Variants in AGTPBP1 observed in about 807,000 individuals in gnomAD.
AGTPBP1 encodes ATP/GTP binding carboxypeptidase 1.
A neutral mutation model predicts 143.9 loss-of-function variants in AGTPBP1; 70 were observed. The observed-to-expected ratio is 0.49, with a 90% CI of 0.40 to 0.59. The LOEUF (loss-of-function observed/expected upper bound fraction) is 0.59. Among genes scored for constraint, AGTPBP1 ranks in the 20% least tolerant of loss-of-function variants. AGTPBP1 has a pLI of 0.00. For missense variants in AGTPBP1, 1,229 were observed against 1,464.5 expected (o/e 0.84, Z 2.62); for synonymous variants, 463 against 500.2 (o/e 0.93, Z 0.99).
chr9:85,697,445 GTTTTTTTTTT>G (rs758082233), intron 2 of AGTPBP1, among the ~76,000 whole-genome samples: 1 of 65,072 alleles, frequency 1.5e-5, no homozygotes, highest in African/African-American at 6.5e-5. Flanking sequence ...TTTGTTTTTT[GTTTTTTTTTT>G]TTTTTTTTTT....
At chr9:85,742,362 TC>T (rs1364780699), upstream of AGTPBP1, among the ~76,000 whole-genome samples, 11 of 97,726 alleles carry the variant, frequency 1.1e-4, no homozygotes, top group Admixed American at 6.9e-4. Context: ...GCCCACCCCC[TC>T]CCCCGCCATC....
In AGTPBP1 at chr9:85,712,481, TG is replaced by T; in HGVS notation, c.32+20del. The T allele has an allele frequency of 7.2e-7, 1 of 1,386,988 alleles. No homozygotes were observed. Among genetic ancestry groups the T allele is most frequent in the Non-Finnish European group, 9.9e-7 (1 of 1,014,132 alleles). The allele number at this position is 1,386,988 out of a possible 1,614,324, so 85.9% of individuals were successfully genotyped here. ...CATTATTTCTGTAACTTATGCATAC[TG>T]ATATTCAGAATTACAGTACCTTTTT... On this transcript the variant is annotated intron_variant, in intron 2 of 25. Transcript: ENST00000357081.
chr9:85,686,180 T>TA (rs1352085209), intron 3 of AGTPBP1, among the ~76,000 whole-genome samples: 5 of 151,842 alleles, frequency 3.3e-5, no homozygotes, highest in Admixed American at 2.0e-4. Flanking sequence ...TGTTTTTTTT[T>TA]AAAAAGATCC....
chr9:85,630,915 T>C (rs1294042455), intron 14 of AGTPBP1, among the ~76,000 whole-genome samples: 2 of 152,214 alleles, frequency 1.3e-5, no homozygotes, highest in Non-Finnish European at 2.9e-5. Flanking sequence ...CCAGGCCGGC[T>C]GTAACATGTC....
intron 2 of AGTPBP1, 22 bp from the exon 3 acceptor site, chr9:85,692,835 A>G (rs758016153): frequency 2.5e-6 from 4 of 1,608,604 alleles, no homozygotes; most frequent in South Asian, 1.1e-5. Flanking sequence ...GTAGAATGTT[A>G]GGGCACATTC....
intron 1 of AGTPBP1, among the ~76,000 whole-genome samples, chr9:85,713,742 T>A (rs1837529213): frequency 1.3e-5 from 2 of 152,220 alleles, no homozygotes; most frequent in Admixed American, 6.5e-5. Flanking sequence ...ACATACATAA[T>A]TTTTTTTCAT....
chr9:85,579,201 C>A, intron 23 of AGTPBP1, 105 bp from the exon 24 acceptor site: 1 of 1,133,380 alleles, frequency 8.8e-7, no homozygotes, highest in Non-Finnish European at 1.2e-6. Flanking sequence ...AGAGCAAAGC[C>A]ATGTGGATGT....
chr9:85,668,856 A>T (rs1255690019), intron 8 of AGTPBP1, among the ~76,000 whole-genome samples: 1 of 151,330 alleles, frequency 6.6e-6, no homozygotes, highest in Non-Finnish European at 1.5e-5. Flanking sequence ...TTAAAGAAAG[A>T]CCTCTAAAAT....
chr9:85,803,904 C>T, the AGTPBP1 span, among the ~76,000 whole-genome samples: 1 of 152,168 alleles, frequency 6.6e-6, no homozygotes, highest in Non-Finnish European at 1.5e-5. Flanking sequence ...TCAAAACCTC[C>T]ACTTTCTTTG....
chr9:85,601,271 TCAAA>T (rs891140528), intron 17 of AGTPBP1, among the ~76,000 whole-genome samples: 2 of 152,164 alleles, frequency 1.3e-5, no homozygotes, highest in African/African-American at 4.8e-5. Context: ...CTGCCCTCAC[TCAAA>T]CACTCTAAGG....
At chr9:85,755,915 T>C in the AGTPBP1 span, 1 of 518,082 alleles carries the variant, frequency 1.9e-6, no homozygotes. Flanking sequence ...CTAGAACCAC[T>C]GATGTCTTTA....
At chr9:85,682,694 T>C (rs929601164) in intron 3 of AGTPBP1, among the ~76,000 whole-genome samples, 5 of 152,136 alleles carry the variant, frequency 3.3e-5, no homozygotes, top group Non-Finnish European at 5.9e-5. Context: ...CACATGGAGA[T>C]AGTCAAGGGA....
chr9:85,577,132 A>G (rs1827945457), intron 24 of AGTPBP1, among the ~76,000 whole-genome samples: 2 of 152,182 alleles, frequency 1.3e-5, no homozygotes. Flanking sequence ...AAATTCAATG[A>G]AAGTCTATCA....
intron 11 of AGTPBP1, among the ~76,000 whole-genome samples, chr9:85,649,269 A>G (rs1833002418): frequency 6.6e-6 from 1 of 152,204 alleles, no homozygotes; most frequent in Non-Finnish European, 1.5e-5. Context: ...GAGTCTGCAC[A>G]TTCTATAAGG....
the AGTPBP1 span, chr9:85,765,171 T>C: frequency 3.1e-6 from 1 of 322,732 alleles, no homozygotes; most frequent in Admixed American, 4.4e-5. Context: ...ATTTGGAAAC[T>C]ATTAATTTCC....
chr9:85,781,516 G>A, the AGTPBP1 span, among the ~76,000 whole-genome samples: 2 of 152,280 alleles, frequency 1.3e-5, no homozygotes, highest in South Asian at 4.1e-4. Flanking sequence ...CGTTGTCTAA[G>A]GTAGAACCAC....
chr9:85,605,094 C>T (rs2133367492), intron 17 of AGTPBP1, among the ~76,000 whole-genome samples: 1 of 152,238 alleles, frequency 6.6e-6, no homozygotes, highest in East Asian at 1.9e-4. Flanking sequence ...TACCAGAGAA[C>T]TTTCCAAACC....
At chr9:85,629,991 G>A (rs1831551689) in intron 14 of AGTPBP1, among the ~76,000 whole-genome samples, 1 of 152,172 alleles carries the variant, frequency 6.6e-6, no homozygotes, top group South Asian at 2.1e-4. Context: ...TTACAGGCTA[G>A]TAAGAGAAAA....
At chr9:85,706,666 C>T (rs1357303824) in intron 2 of AGTPBP1, among the ~76,000 whole-genome samples, 1 of 151,470 alleles carries the variant, frequency 6.6e-6, no homozygotes, top group Non-Finnish European at 1.5e-5. Flanking sequence ...ATCAGGAGAT[C>T]GAGACTATCC....
Sources: gnomAD v4.1 joint callset for allele counts (sites outside exome capture counted in the v4.1 genomes callset) on GRCh38, gnomAD v4.1.1 for gene constraint, MANE v1.5 for transcripts, NCBI Gene and HGNC (gene_info 2026-07-23, HGNC 2026-07-21) for gene names.